The following HNRNPUL2 variants were observed in gnomAD, a reference collection of about 807,000 sequenced individuals.
HNRNPUL2 encodes the protein heterogeneous nuclear ribonucleoprotein U like 2, also known as heterogeneous nuclear ribonucleoprotein U-like protein 2.
A neutral mutation model predicts 102.2 loss-of-function variants in HNRNPUL2; 27 were observed. The ratio of observed to expected loss-of-function variants is 0.26; its 90% CI spans 0.19 to 0.36. The LOEUF (loss-of-function observed/expected upper bound fraction) is 0.36. Ranked by LOEUF, HNRNPUL2 falls within the 10% of genes least tolerant of loss-of-function variation. The pLI is 1.00. For synonymous variants in HNRNPUL2, 458 were observed against 387.2 expected (o/e 1.18, Z -2.15); for missense variants, 936 against 981.1 (o/e 0.95, Z 0.61).
chr11:62,727,012 C>G lies in HNRNPUL2; in HGVS notation c.145G>C (p.Gly49Arg). Residue 49 changes from glycine (G) to arginine (R), a missense_variant, in exon 1 of 14, where the codon GGC becomes CGC. Coordinates refer to ENST00000301785, the MANE Select transcript of HNRNPUL2 (RefSeq NM_001079559.3). ...AEMLEDEAGGGGAGPGGACKA... is the reference protein window; with the variant it reads ...AEMLEDEAGGRGAGPGGACKA... Reference sequence around the variant, plus strand: ...CAGGCCCCGCCGGGCCCGGCCCCGCCGCCGCCGGCCTCGTCCTCGAGCATC... The same window carrying G: ...CAGGCCCCGCCGGGCCCGGCCCCGCGGCCGCCGGCCTCGTCCTCGAGCATC... 1 of 1,366,490 alleles carries G rather than the reference C, an allele frequency of 7.3e-7. No individual in the cohort carries two copies. The highest frequency in any genetic ancestry group is 9.4e-7 in the Non-Finnish European group (1 of 1,060,850). 84.6% of individuals were successfully genotyped at this position (1,366,490 alleles called of 1,614,324 possible).
At chr11:62,717,274 T>G (rs1339907181) in intron 10 of HNRNPUL2, 85 bp from the exon 11 acceptor site, 1 of 965,472 alleles carries the variant, frequency 1.0e-6, no homozygotes, top group Non-Finnish European at 1.6e-6. Context: ...AAGAAGCATA[T>G]GACTTTCTAT....
chr11:62,720,938 G>A (rs1036662093), intron 9 of HNRNPUL2, among the ~76,000 whole-genome samples: 1 of 149,760 alleles, frequency 6.7e-6, no homozygotes, highest in Non-Finnish European at 1.5e-5. Context: ...CAATACACAT[G>A]ATCTTCTTTA....
chr11:62,725,611 T>C (rs1448949448), intron 1 of HNRNPUL2, among the ~76,000 whole-genome samples: 2 of 152,238 alleles, frequency 1.3e-5, no homozygotes, highest in African/African-American at 4.8e-5. Context: ...TGCATGTGAT[T>C]GTTGTACAAT....
intron 3 of HNRNPUL2, 26 bp downstream of exon 3, chr11:62,723,888 C>T (rs375460384): frequency 2.4e-5 from 38 of 1,608,968 alleles, no homozygotes; most frequent in Admixed American, 3.4e-5. Context: ...TAGTTAAAAA[C>T]CACAGTCTGT....
chr11:62,726,358 G>A (rs939793692), intron 1 of HNRNPUL2, among the ~76,000 whole-genome samples: 2 of 152,166 alleles, frequency 1.3e-5, no homozygotes, highest in East Asian at 1.9e-4. Context: ...TAGCTCACAA[G>A]TAGTTCGCAT....
rs1447408123 is a variant in HNRNPUL2, at chr11:62,714,900, CTCCTT to C, written c.*394_*398del. 5.4e-6 allele frequency: 1 copy of C among 183,816 alleles called. No homozygotes were observed. The highest frequency in any genetic ancestry group is 2.4e-5 in the African/African-American group (1 of 41,824). 11.4% of individuals were successfully genotyped at this position (183,816 alleles called of 1,614,324 possible). ...ACCCTCCCCACACCACCTCATCACT[CTCCTT>C]TACTTGGCTGCCAGTCCAGCTGCCT... On this transcript the variant is annotated 3_prime_UTR_variant, in exon 14 of 14. Coordinates refer to ENST00000301785, the MANE Select transcript of HNRNPUL2 (RefSeq NM_001079559.3).
chr11:62,722,537 A>G (rs2083711521), intron 6 of HNRNPUL2, 64 bp downstream of exon 6: 2 of 1,439,172 alleles, frequency 1.4e-6, no homozygotes, highest in African/African-American at 2.8e-5. Flanking sequence ...TGGGAAGCAC[A>G]AGTGAATTCC....
rs1482468107 is a variant in HNRNPUL2, at chr11:62,720,199, C to G, written c.1612-8G>C. ...AGAATTGTACACATTACACTAAGAA[C>G]AGGAGGAATAACTGATGTTTAGGAA... On this transcript the variant is annotated splice_polypyrimidine_tract_variant and splice_region_variant and intron_variant, in intron 9 of 13. Coordinates refer to ENST00000301785, the MANE Select transcript of HNRNPUL2 (RefSeq NM_001079559.3). 6.2e-7 allele frequency: 1 copy of G among 1,612,214 alleles called. No homozygotes were observed. The highest frequency in any genetic ancestry group is 8.5e-7 in the Non-Finnish European group (1 of 1,178,402).
At chr11:62,716,827 AG>A (rs2083663759) in intron 11 of HNRNPUL2, among the ~76,000 whole-genome samples, 161 bp downstream of exon 11, 1 of 152,212 alleles carries the variant, frequency 6.6e-6, no homozygotes. Flanking sequence ...CACAAGAAAA[AG>A]GCAGGGATAA....
chr11:62,723,146 A>G (rs1464382309), intron 4 of HNRNPUL2, among the ~76,000 whole-genome samples: 2 of 152,260 alleles, frequency 1.3e-5, no homozygotes, highest in Admixed American at 1.3e-4. Context: ...ACAGAAGTCC[A>G]GTATACATAG....
At chr11:62,715,803 C>T (rs527903393) in intron 12 of HNRNPUL2, 61 bp downstream of exon 12, 10 of 1,503,036 alleles carry the variant, frequency 6.7e-6, no homozygotes, top group Admixed American at 1.7e-5. Flanking sequence ...CTCTGCTCCC[C>T]CAAGCCAACA....
At position 62,722,446 on chromosome 11, in the gene HNRNPUL2, TTTA is replaced by T. The variant is rs573178215; in HGVS notation, c.1096-69_1096-67del. On this transcript the variant is annotated intron_variant, in intron 6 of 13. Coordinates refer to ENST00000301785, the MANE Select transcript of HNRNPUL2 (RefSeq NM_001079559.3). The stretch of plus-strand genomic sequence containing the variant: ...GCTTTGGGTTGATTAAACTTTACAA[TTTA>T]TTCTTTTTTCACACAGACTGCTGCA... 9.4e-4 allele frequency: 1,462 copies of T among 1,553,038 alleles called. 11 individuals are homozygous for T. The Middle Eastern group carries it at 0.017, about 18-fold the overall frequency.
chr11:62,722,927 A>G (rs2083714750), intron 4 of HNRNPUL2, 24 bp from the exon 5 acceptor site: 13 of 1,593,682 alleles, frequency 8.2e-6, no homozygotes, highest in Non-Finnish European at 1.0e-5. Flanking sequence ...AAAGGGAACT[A>G]TTAGATATTG....
At position 62,727,229 on chromosome 11, in the gene HNRNPUL2, C is replaced by A; in HGVS notation, c.-73G>T. 1 of 1,272,658 alleles carries A rather than the reference C, an allele frequency of 7.9e-7. No individual in the cohort carries two copies. Among genetic ancestry groups the A allele is most frequent in the Non-Finnish European group, 9.9e-7 (1 of 1,007,668 alleles). 78.8% of individuals were successfully genotyped at this position (1,272,658 alleles called of 1,614,324 possible). A position where few individuals can be genotyped will look rare whatever the true frequency, so the allele number is the denominator to read the frequency against. ...CGTCGACCGAGTCCGACCGCGCAGG[C>A]GCCGCCGCCGCCGCCCGCCTCCGCC... On this transcript the variant is annotated 5_prime_UTR_variant, in exon 1 of 14. Transcript: ENST00000301785.
chr11:62,727,228 G>GCGCCGCCGC lies in HNRNPUL2; in HGVS notation c.-81_-73dup, dbSNP rs199865096. 71 of 1,298,024 alleles carry GCGCCGCCGC rather than the reference G, an allele frequency of 5.5e-5. No homozygotes were observed. The highest frequency in any genetic ancestry group is 3.0e-4 in the Middle Eastern group (1 of 3,374). The allele number at this position is 1,298,024 out of a possible 1,614,324, so 80.4% of individuals were successfully genotyped here. A position where few individuals can be genotyped will look rare whatever the true frequency, so the allele number is the denominator to read the frequency against. Reference sequence around the variant, plus strand: ...CCGTCGACCGAGTCCGACCGCGCAGGCGCCGCCGCCGCCGCCCGCCTCCGC... The same window carrying GCGCCGCCGC: ...CCGTCGACCGAGTCCGACCGCGCAGGCGCCGCCGCCGCCGCCGCCGCCGCCCGCCTCCGC... On this transcript the variant is annotated 5_prime_UTR_variant, in exon 1 of 14. Coordinates refer to ENST00000301785, the MANE Select transcript of HNRNPUL2 (RefSeq NM_001079559.3).
At chr11:62,724,215 A>G (rs765908027) in intron 2 of HNRNPUL2, 76 bp downstream of exon 2, 7 of 1,566,494 alleles carry the variant, frequency 4.5e-6, no homozygotes, top group Non-Finnish European at 4.4e-6. Flanking sequence ...CCCTCCTTCC[A>G]GTCTCTCCAG....
intron 12 of HNRNPUL2, 47 bp downstream of exon 12, chr11:62,715,817 T>C (rs767734482): frequency 6.4e-7 from 1 of 1,556,070 alleles, no homozygotes; most frequent in Non-Finnish European, 8.9e-7. Context: ...GCCAACAGAA[T>C]GGCTCTCACA....
chr11:62,722,402 G>A (rs971969473), intron 6 of HNRNPUL2, 22 bp from the exon 7 acceptor site: 8 of 1,606,896 alleles, frequency 5.0e-6, no homozygotes, highest in Admixed American at 1.7e-5. Flanking sequence ...AGGGACAAGA[G>A]CACTTATTGG....
At position 62,726,631 on chromosome 11, in the gene HNRNPUL2, C is replaced by G. The variant is rs1385266040; in HGVS notation, c.526G>C (p.Ala176Pro). Reference sequence around the variant, plus strand: ...GCCAGCTCCTCACCCTGTTCCTCGGCGGCCTTGTCACCCGGCACCTCGGAT... The same window carrying G: ...GCCAGCTCCTCACCCTGTTCCTCGGGGGCCTTGTCACCCGGCACCTCGGAT... The part of the protein sequence containing the change: ...PGSEVPGDKA[A>P]EEQGDDQDSE... Residue 176 changes from alanine (A) to proline (P), a missense_variant, in exon 1 of 14, where the codon GCC becomes CCC. This residue lies in a region of HNRNPUL2 where 327 missense variants were observed against 268.1 expected (regional missense o/e 1.22). Transcript: ENST00000301785. The G allele has an allele frequency of 6.3e-7, 1 of 1,588,506 alleles. No individual in the cohort carries two copies. The highest frequency in any genetic ancestry group is 1.3e-5 in the African/African-American group (1 of 74,356).
Sources: gnomAD v4.1 joint callset for allele counts (sites outside exome capture counted in the v4.1 genomes callset) on GRCh38, gnomAD v4.1.1 for gene constraint, gnomAD v4.1.1 regional missense constraint, MANE v1.5 for transcripts, NCBI Gene and HGNC (gene_info 2026-07-23, HGNC 2026-07-21) for gene names.